LONP2: variants seen among roughly 807,000 people sequenced by gnomAD.
The protein encoded by LONP2 is lon protease homolog 2, peroxisomal.
In LONP2, 60 loss-of-function variants were observed where a neutral mutation model predicts 85.6. That is an observed-to-expected ratio of 0.70 (90% confidence interval 0.57 to 0.87). The LOEUF is 0.87. Ranked by LOEUF, LONP2 falls within the 40% of genes least tolerant of loss-of-function variation. The pLI is 0.00. For synonymous variants in LONP2, 395 were observed against 389.7 expected, an observed-to-expected ratio of 1.01 and a Z score of -0.16; for missense variants, 860 against 1,063.5, an observed-to-expected ratio of 0.81 and a Z score of 2.66.
chr16:48,273,468 T>C (rs1972145616), intron 7 of LONP2, among the ~76,000 whole-genome samples: 2 of 152,218 alleles, frequency 1.3e-5, no homozygotes, highest in Admixed American at 6.5e-5. Flanking sequence ...TTTGTCTGTA[T>C]TGTTTTGAGT....
At chr16:48,268,254 T>A (rs1244942243) in intron 6 of LONP2, among the ~76,000 whole-genome samples, 3 of 152,192 alleles carry the variant, frequency 2.0e-5, no homozygotes, top group African/African-American at 4.8e-5. Context: ...CTTAAAAGAT[T>A]GAAAGAACTT....
In LONP2 at chr16:48,329,257, G is replaced by C. The variant is rs115168827; in HGVS notation, c.1796-4959G>C. 9.6e-3 allele frequency among the ~76,000 whole-genome samples: 1,459 copies of C among 152,238 alleles called. 32 individuals carry two copies. The highest frequency in any genetic ancestry group is 0.034 in the African/African-American group (1,409 of 41,542). On this transcript the variant is annotated intron_variant, in intron 11 of 14. Transcript: ENST00000285737. ...GGAAAATTCTAGAAATAATCCACTC[G>C]TAAGTTTTAAATTGTGCACTATTCT...
Position 48,356,762 on chromosome 16 carries a change from C to A in LONP2, c.*4960C>A. ...AGTTACAGCAAAAGGACTTCTAAAA[C>A]AATTTTAGGAAAAGCTTTGTCATGA... On this transcript the variant is annotated 3_prime_UTR_variant, in exon 15 of 15. Coordinates refer to ENST00000285737, the MANE Select transcript of LONP2 (RefSeq NM_031490.5). 3.3e-6 allele frequency: 1 copy of A among 303,372 alleles called. No individual in the cohort carries two copies. Among genetic ancestry groups the A allele is most frequent in the South Asian group, 2.8e-5 (1 of 36,044 alleles). The allele number at this position is 303,372 out of a possible 1,614,324, so 18.8% of individuals were successfully genotyped here. A position where few individuals can be genotyped will look rare whatever the true frequency, so the allele number is the denominator to read the frequency against.
chr16:48,265,153 C>T (rs920932322), intron 6 of LONP2, among the ~76,000 whole-genome samples: 4 of 152,126 alleles, frequency 2.6e-5, no homozygotes, highest in South Asian at 2.1e-4. Flanking sequence ...ATATTTTCTG[C>T]TGTTACATAG....
intron 11 of LONP2, among the ~76,000 whole-genome samples, chr16:48,332,674 A>C (rs1959495164): frequency 6.6e-6 from 1 of 150,866 alleles, no homozygotes; most frequent in Admixed American, 6.6e-5. Context: ...TTGTGGCACT[A>C]CACGCCCGCC....
At chr16:48,307,647 G>A (rs935515329) in intron 11 of LONP2, among the ~76,000 whole-genome samples, 1 of 151,242 alleles carries the variant, frequency 6.6e-6, no homozygotes, top group Non-Finnish European at 1.5e-5. Flanking sequence ...AAAGAACCTG[G>A]GTAGATACTA....
intron 9 of LONP2, among the ~76,000 whole-genome samples, chr16:48,297,152 C>T (rs1972690500): frequency 2.0e-5 from 3 of 152,072 alleles, no homozygotes; most frequent in South Asian, 2.1e-4. Flanking sequence ...AGATTACAGG[C>T]ACTCGTGACC....
chr16:48,302,781 T>C (rs1972834041), intron 10 of LONP2, among the ~76,000 whole-genome samples: 1 of 152,232 alleles, frequency 6.6e-6, no homozygotes, highest in Non-Finnish European at 1.5e-5. Flanking sequence ...TCAGTAGTAT[T>C]TCAAATACAA....
At chr16:48,296,317 T>A in intron 9 of LONP2, 152 bp downstream of exon 9, 1 of 836,094 alleles carries the variant, frequency 1.2e-6, no homozygotes, top group Non-Finnish European at 1.8e-6. Context: ...AGTTTCTATG[T>A]AGCTTCAAAG....
chr16:48,286,092 A>T (rs756512955), intron 8 of LONP2, among the ~76,000 whole-genome samples: 1 of 151,360 alleles, frequency 6.6e-6, no homozygotes, highest in Non-Finnish European at 1.5e-5. Flanking sequence ...AAGTTCATCA[A>T]TGTTGGGGCA....
chr16:48,349,269 C>A (rs1348854935), intron 14 of LONP2, among the ~76,000 whole-genome samples: 1 of 151,006 alleles, frequency 6.6e-6, no homozygotes, highest in Non-Finnish European at 1.5e-5. Flanking sequence ...AAGAAATAGT[C>A]TTTTTTTCTT....
intron 8 of LONP2, among the ~76,000 whole-genome samples, chr16:48,288,601 G>A (rs1429968198): frequency 6.6e-6 from 1 of 152,066 alleles, no homozygotes; most frequent in Non-Finnish European, 1.5e-5. Context: ...TTTCTCCTAA[G>A]GCCTCTCTCC....
intron 12 of LONP2, among the ~76,000 whole-genome samples, chr16:48,341,458 T>C (rs1959805416): frequency 6.6e-6 from 1 of 151,992 alleles, no homozygotes; most frequent in African/African-American, 2.4e-5. Flanking sequence ...CCACATGCTT[T>C]TAAACAACCA....
chr16:48,298,418 T>TA (rs1972720667), intron 9 of LONP2, among the ~76,000 whole-genome samples: 1 of 152,056 alleles, frequency 6.6e-6, no homozygotes, highest in Non-Finnish European at 1.5e-5. Context: ...AAAAAATACA[T>TA]ATATACATAC....
intron 11 of LONP2, among the ~76,000 whole-genome samples, chr16:48,310,415 G>A (rs942323787): frequency 4.6e-5 from 7 of 151,600 alleles, no homozygotes; most frequent in African/African-American, 1.7e-4. Context: ...GCAATGGCGC[G>A]ATCTTGGCTC....
chr16:48,262,193 T>C (rs56068904), intron 5 of LONP2, among the ~76,000 whole-genome samples: 2,079 of 152,300 alleles, frequency 0.014, 45 homozygotes, highest in African/African-American at 0.047. Flanking sequence ...TTGCTAAGCA[T>C]TGCATATATT....
intron 6 of LONP2, among the ~76,000 whole-genome samples, chr16:48,268,907 T>C (rs1342402115): frequency 6.6e-6 from 1 of 151,950 alleles, no homozygotes; most frequent in Non-Finnish European, 1.5e-5. Context: ...AAATAATTAA[T>C]TAAAAGATAT....
rs1315260865 is a variant in LONP2 at position 48,354,277 on chromosome 16, G to A, written c.*2475G>A. On this transcript the variant is annotated 3_prime_UTR_variant, in exon 15 of 15. Coordinates refer to ENST00000285737, the MANE Select transcript of LONP2 (RefSeq NM_031490.5). The stretch of plus-strand genomic sequence containing the variant: ...GGCTGCACTGCAGTGGCATGATCTC[G>A]GCTCACTGCAACCTCTGCCTCCCCA... The A allele has an allele frequency of 4.6e-5, 6 of 129,164 alleles. No homozygotes were observed. The East Asian group carries it at 6.8e-4, about 15-fold the overall frequency. 8.0% of individuals were successfully genotyped at this position (129,164 alleles called of 1,614,324 possible).
intron 7 of LONP2, among the ~76,000 whole-genome samples, chr16:48,271,383 GT>G (rs1460904553): frequency 6.6e-6 from 1 of 152,098 alleles, no homozygotes; most frequent in African/African-American, 2.4e-5. Flanking sequence ...TAGTGTATGT[GT>G]TAAAGAACAT....
Sources: gnomAD v4.1 joint callset for allele counts (sites outside exome capture counted in the v4.1 genomes callset) on GRCh38, gnomAD v4.1.1 for gene constraint, MANE v1.5 for transcripts, NCBI Gene and HGNC (gene_info 2026-07-23, HGNC 2026-07-21) for gene names.